CCDC187: variants seen among roughly 807,000 people sequenced by gnomAD.
CCDC187 encodes coiled-coil domain containing 187, also known as coiled-coil domain-containing protein 187.
CCDC187 carries 32 observed loss-of-function variants against 38.0 expected under a neutral mutation model. That is an observed-to-expected ratio of 0.84 (90% confidence interval 0.64 to 1.13). The LOEUF (loss-of-function observed/expected upper bound fraction) is 1.13. CCDC187 is among the 50% of genes most tolerant of loss of function. The pLI is 0.00. For missense variants in CCDC187, 707 were observed against 786.8 expected, an observed-to-expected ratio of 0.90 and a Z score of 1.21; for synonymous variants, 333 against 347.9, an observed-to-expected ratio of 0.96 and a Z score of 0.48.
chr9:136,289,016 G>A (rs1328785309), intron 7 of CCDC187, among the ~76,000 whole-genome samples: 11 of 152,192 alleles, frequency 7.2e-5, no homozygotes, highest in Non-Finnish European at 1.6e-4. Flanking sequence ...GGTGGAGCCC[G>A]GGCATCCGTT....
Position 136,251,941 on chromosome 9 carries a change from CCACCCAG to C in CCDC187, c.*1646_*1652del. ...GTCCACCCTGGGAAGAGCCGGCCGC[CCACCCAG>C]TCCACCCCGGGAAGGTCCAGGCGAC... On this transcript the variant is annotated 3_prime_UTR_variant, in exon 26 of 26. Transcript: ENST00000638797. 8.3e-6 allele frequency: 1 copy of C among 120,832 alleles called. No individual in the cohort carries two copies. The highest frequency in any genetic ancestry group is 1.9e-5 in the Non-Finnish European group (1 of 51,866). 7.5% of individuals were successfully genotyped at this position (120,832 alleles called of 1,614,324 possible).
chr9:136,283,488 T>G (rs1423418951), intron 9 of CCDC187, among the ~76,000 whole-genome samples: 3 of 152,232 alleles, frequency 2.0e-5, no homozygotes, highest in Non-Finnish European at 4.4e-5. Context: ...AGCGAGCCTC[T>G]GAGCCTCTCC....
At chr9:136,278,957 CTGTT>C (rs1830985070) in intron 10 of CCDC187, among the ~76,000 whole-genome samples, 2 of 152,220 alleles carry the variant, frequency 1.3e-5, no homozygotes, top group African/African-American at 4.8e-5. Flanking sequence ...TGTGGTGTAC[CTGTT>C]TAAGTCTAGA....
At chr9:136,306,883 AGGCC>A (rs1831810734), upstream of CCDC187, 22 of 152,128 alleles carry the variant, frequency 1.4e-4, no homozygotes, top group African/African-American at 4.4e-4. Flanking sequence ...GCTGTCTCTG[AGGCC>A]GGTGATGGCG....
At chr9:136,294,034 ACT>A (rs1349129159) in intron 4 of CCDC187, among the ~76,000 whole-genome samples, 2 of 147,996 alleles carry the variant, frequency 1.4e-5, no homozygotes, top group Non-Finnish European at 3.0e-5. Context: ...TCACACACAC[ACT>A]CATATACACA....
In CCDC187 at chr9:136,255,078, G is replaced by A. The variant is rs984665961; in HGVS notation, c.4750C>T (p.Leu1584Phe). 3.0e-6 allele frequency: 3 copies of A among 985,460 alleles called. No homozygotes were observed. The South Asian group carries it at 1.4e-4, about 46-fold the overall frequency. The allele number at this position is 985,460 out of a possible 1,614,324, so 61.0% of individuals were successfully genotyped here. Reference protein sequence around the residue: ...APPILHQGSPLLPTTSSCGPG... With the variant: ...APPILHQGSPFLPTTSSCGPG... The stretch of plus-strand genomic sequence containing the variant: ...CCGCAGGAGGAGGTGGTGGGGAGAA[G>A]GGGACTGCCCTGGTGCAGGATTGGG... The change falls in exon 26 of 26, where the codon CTT becomes TTT. Residue 1584 changes from leucine (L) to phenylalanine (F), a missense_variant. By Grantham distance (22) the Leu-to-Phe change is conservative. Transcript: ENST00000638797.
At chr9:136,299,993 C>T (rs948805273) in intron 3 of CCDC187, among the ~76,000 whole-genome samples, 1 of 152,250 alleles carries the variant, frequency 6.6e-6, no homozygotes, top group African/African-American at 2.4e-5. Flanking sequence ...GCTCCCCTGC[C>T]CTGCAGGGCC....
chr9:136,290,133 C>T (rs1454084344), intron 6 of CCDC187, 80 bp from the exon 7 acceptor site: 1 of 398,162 alleles, frequency 2.5e-6, no homozygotes, highest in African/African-American at 2.1e-5. Context: ...AGAGCTAGGC[C>T]TTGACCTCCC....
rs373738982 is a variant in CCDC187, at chr9:136,270,880, G to A, written c.3443-2755C>T. On this transcript the variant is annotated intron_variant, in intron 14 of 25. Coordinates refer to ENST00000638797, the MANE Select transcript of CCDC187 (RefSeq NM_001378188.1). ...CTTCAGACCTGATGCTATACCCACC[G>A]GTTATCCCTAGGTTATATTTGTAAT... 7.9e-5 allele frequency among the ~76,000 whole-genome samples: 12 copies of A among 152,242 alleles called. No homozygotes were observed. The East Asian group carries it at 2.3e-3, about 29-fold the overall frequency.
At chr9:136,293,363 A>ACATGCT (rs1831408808) in intron 4 of CCDC187, among the ~76,000 whole-genome samples, 4 of 148,250 alleles carry the variant, frequency 2.7e-5, no homozygotes, top group Admixed American at 6.7e-5. Flanking sequence ...ACACACATTC[A>ACATGCT]CATGCTCACA....
At chr9:136,266,084 C>T (rs1405225696) in intron 16 of CCDC187, 41 bp from the exon 17 acceptor site, 1 of 970,586 alleles carries the variant, frequency 1.0e-6, no homozygotes, top group Non-Finnish European at 1.2e-6. Flanking sequence ...GTTGACAGCC[C>T]GTGCAAGTGG....
rs1162860698 is a variant in CCDC187 at position 136,257,341 on chromosome 9, C to T, written c.4367-500G>A. Among the ~76,000 whole-genome samples the T allele has an allele frequency of 6.6e-6, 1 of 151,802 alleles. No homozygotes were observed. Among genetic ancestry groups the T allele is most frequent in the Non-Finnish European group, 1.5e-5 (1 of 67,990 alleles). ...TGAGCCAAGATCACGCTACTGTACT[C>T]CAGCTGGGGAGAGAGTGAGACTTTG... On this transcript the variant is annotated intron_variant, in intron 22 of 25. Coordinates refer to ENST00000638797, the MANE Select transcript of CCDC187 (RefSeq NM_001378188.1). The surrounding 1 kb of genome is among the most constrained non-coding windows in gnomAD (Gnocchi z 4.5).
chr9:136,291,497 CATGGCCGTCTGT>C lies in CCDC187; in HGVS notation c.1104_1115del (p.Ile368_Ala371del), dbSNP rs1420583133. ...GCTGGCGCAGGTCTTGTAGGATGGCCATGGCCGTCTGTATGGTCGCTGGCTGGTCGAAGGAAG... is the reference window on the plus strand; with the variant it reads ...GCTGGCGCAGGTCTTGTAGGATGGCCATGGTCGCTGGCTGGTCGAAGGAAG... On this transcript the variant is annotated inframe_deletion, in exon 6 of 26. Coordinates refer to ENST00000638797, the MANE Select transcript of CCDC187 (RefSeq NM_001378188.1). 7.3e-5 allele frequency: 29 copies of C among 398,744 alleles called. No homozygotes were observed. In the South Asian group the frequency reaches 7.6e-4, roughly 10 times the overall value. 24.7% of individuals were successfully genotyped at this position (398,744 alleles called of 1,614,324 possible). A position where few individuals can be genotyped will look rare whatever the true frequency, so the allele number is the denominator to read the frequency against.
chr9:136,277,298 C>T (rs1390356346), intron 10 of CCDC187, among the ~76,000 whole-genome samples: 3 of 14,056 alleles, frequency 2.1e-4, no homozygotes, highest in African/African-American at 6.4e-4. Context: ...TGGGTGATGA[C>T]GGGGTGGGTG....
chr9:136,294,495 G>C (rs1230260015), intron 4 of CCDC187, among the ~76,000 whole-genome samples: 2 of 152,220 alleles, frequency 1.3e-5, no homozygotes, highest in Non-Finnish European at 2.9e-5. Flanking sequence ...CTCAGCCAGG[G>C]CTGGCCCTGG....
Position 136,267,465 on chromosome 9 carries a change from T to C in CCDC187, c.3566A>G (p.Gln1189Arg), listed in dbSNP as rs1230774166. Residue 1189 changes from glutamine (Q) to arginine (R), a missense_variant, in exon 16 of 26, where the codon CAG becomes CGG. Gln to Arg is a conservative substitution (Grantham distance 43). Coordinates refer to ENST00000638797, the MANE Select transcript of CCDC187 (RefSeq NM_001378188.1). ...LREEELRAQH[Q>R]AALLRLREMA... ...CTCTCGCAGGCGCAGCAGCGCGGCC[T>C]GGTGCTGTGCTCGCAGCTCCTCCTC... The C allele has an allele frequency of 1.0e-6, 1 of 985,630 alleles. No homozygotes were observed. Among genetic ancestry groups the C allele is most frequent in the Non-Finnish European group, 1.2e-6 (1 of 830,154 alleles). The allele number at this position is 985,630 out of a possible 1,614,324, so 61.1% of individuals were successfully genotyped here.
chr9:136,280,557 G>A (rs1177332719), intron 10 of CCDC187, among the ~76,000 whole-genome samples: 3 of 152,212 alleles, frequency 2.0e-5, no homozygotes, highest in African/African-American at 7.2e-5. Flanking sequence ...CTGGTCCACA[G>A]AGAACAGCTT....
At chr9:136,300,196 G>A in intron 3 of CCDC187, 24 bp downstream of exon 3, 1 of 398,586 alleles carries the variant, frequency 2.5e-6, no homozygotes, top group Non-Finnish European at 4.4e-6. Flanking sequence ...GGAGCACCAG[G>A]GCAGCCGCCG....
At chr9:136,276,504 C>T (rs1044384506) in intron 11 of CCDC187, 147 bp downstream of exon 11, 9 of 152,302 alleles carry the variant, frequency 5.9e-5, no homozygotes, top group African/African-American at 2.2e-4. Flanking sequence ...CCTGCATGCT[C>T]CCCTCCCTCT....
Sources: allele counts gnomAD v4.1 joint callset (sites outside exome capture counted in the v4.1 genomes callset), GRCh38; gene constraint gnomAD v4.1.1; non-coding constraint Gnocchi (gnomAD v3.1); transcripts MANE v1.5; gene names NCBI Gene and HGNC (gene_info 2026-07-23, HGNC 2026-07-21).